CLVS1: variants seen among roughly 807,000 people sequenced by gnomAD.
CLVS1 encodes clavesin-1.
A neutral mutation model predicts 33.1 loss-of-function variants in CLVS1; 10 were observed. That is an observed-to-expected ratio of 0.30 (90% confidence interval 0.19 to 0.51). The LOEUF (loss-of-function observed/expected upper bound fraction) is 0.51. Ranked by LOEUF, CLVS1 falls within the 20% of genes least tolerant of loss-of-function variation. CLVS1 has a pLI of 0.97. For synonymous variants in CLVS1, 163 were observed against 166.1 expected, an observed-to-expected ratio of 0.98 and a Z score of 0.14; for missense variants, 343 against 433.4, an observed-to-expected ratio of 0.79 and a Z score of 1.85.
intron 2 of CLVS1, among the ~76,000 whole-genome samples, chr8:61,261,032 T>G (rs1809192595): frequency 6.6e-6 from 1 of 152,176 alleles, no homozygotes; most frequent in Admixed American, 6.5e-5. Flanking sequence ...ATCTATATTT[T>G]AAAGAGACAC....
chr8:61,177,747 G>A (rs1253245612), intron 2 of CLVS1, among the ~76,000 whole-genome samples: 1 of 151,712 alleles, frequency 6.6e-6, no homozygotes, highest in Non-Finnish European at 1.5e-5. Context: ...CTACAGAAGA[G>A]GGACCTGACT....
chr8:61,250,874 G>T (rs1470210563), intron 2 of CLVS1, among the ~76,000 whole-genome samples: 2 of 152,200 alleles, frequency 1.3e-5, no homozygotes, highest in Non-Finnish European at 2.9e-5. Flanking sequence ...GAGACAATTT[G>T]TCTTCCTCTC....
chr8:61,031,000 T>C, the CLVS1 span, among the ~76,000 whole-genome samples: 1 of 152,176 alleles, frequency 6.6e-6, no homozygotes, highest in South Asian at 2.1e-4. Context: ...GTTGTGAGGA[T>C]TAAGTGAGAC....
At chr8:61,096,088 TTTGTC>T (rs1249556211) in intron 1 of CLVS1, among the ~76,000 whole-genome samples, 6 of 152,190 alleles carry the variant, frequency 3.9e-5, no homozygotes, top group African/African-American at 1.2e-4. Flanking sequence ...CACTTCCCCT[TTTGTC>T]AGGCAGAACT....
intron 1 of CLVS1, among the ~76,000 whole-genome samples, chr8:61,110,557 A>C (rs1244313922): frequency 6.6e-6 from 1 of 152,234 alleles, no homozygotes; most frequent in Non-Finnish European, 1.5e-5. Context: ...ACTATGCAAC[A>C]TAAAATGTAC....
At chr8:61,266,046 T>C (rs1035407008) in intron 2 of CLVS1, among the ~76,000 whole-genome samples, 4 of 152,108 alleles carry the variant, frequency 2.6e-5, no homozygotes, top group Non-Finnish European at 5.9e-5. Flanking sequence ...CCTGTTCGTC[T>C]CCCCATGAAA....
chr8:60,991,350 T>A, the CLVS1 span, among the ~76,000 whole-genome samples: 2 of 152,206 alleles, frequency 1.3e-5, no homozygotes, highest in Non-Finnish European at 1.5e-5. Context: ...AAAATTGTTA[T>A]CTATTTAGGA....
the CLVS1 span, among the ~76,000 whole-genome samples, chr8:61,007,053 T>C: frequency 6.6e-6 from 1 of 152,250 alleles, no homozygotes; most frequent in Admixed American, 6.5e-5. Flanking sequence ...CAGTAATGTA[T>C]AATGCAGGAC....
chr8:61,306,439 C>T lies in CLVS1; in HGVS notation c.455+6157C>T, dbSNP rs143101648. ...TCCTTACAGATGATGGATATTAGAC[C>T]GTTGTGGGATGCATTACATGCAAGA... is the stretch of plus-strand genomic sequence containing the variant. On this transcript the variant is annotated intron_variant, in intron 2 of 5. Transcript: ENST00000325897. 5.9e-5 allele frequency among the ~76,000 whole-genome samples: 9 copies of T among 152,170 alleles called. No homozygotes were observed. The East Asian group carries it at 1.7e-3, about 29-fold the overall frequency.
At chr8:61,199,228 A>G (rs1807678225) in intron 2 of CLVS1, among the ~76,000 whole-genome samples, 1 of 152,242 alleles carries the variant, frequency 6.6e-6, no homozygotes, top group South Asian at 2.1e-4. Context: ...CTCCAAAATC[A>G]AATGTAACAA....
At chr8:60,997,172 G>C in the CLVS1 span, among the ~76,000 whole-genome samples, 1 of 152,164 alleles carries the variant, frequency 6.6e-6, no homozygotes, top group Non-Finnish European at 1.5e-5. Context: ...GCTCAGGTGT[G>C]TGTGGCGGGG....
chr8:61,226,994 T>G lies in CLVS1; in HGVS notation c.-151-72683T>G, dbSNP rs531614710. Among the ~76,000 whole-genome samples, 153 of 151,298 alleles carry G rather than the reference T, an allele frequency of 1.0e-3. 2 individuals are homozygous for G. The highest frequency in any genetic ancestry group is 5.9e-4 in the Admixed American group (9 of 15,246). On this transcript the variant is annotated intron_variant, in intron 2 of 2. Coordinates refer to the CLVS1 transcript ENST00000522621. ...TACGAAAACATGTTTTTTTTTTTTT[T>G]TTTGTTCAGCTTCAGTGTTAAGTTT...
intron 2 of CLVS1, among the ~76,000 whole-genome samples, chr8:61,170,612 C>T (rs1205600835): frequency 1.3e-5 from 2 of 152,170 alleles, no homozygotes; most frequent in African/African-American, 4.8e-5. Context: ...CCTCATATTT[C>T]CTGAATAACC....
chr8:61,300,109 G>T lies in CLVS1; in HGVS notation c.282G>T (p.Leu94=). The T allele has an allele frequency of 6.2e-7, 1 of 1,613,982 alleles. No individual in the cohort carries two copies. Among genetic ancestry groups the T allele is most frequent in the South Asian group, 1.1e-5 (1 of 91,068 alleles). The stretch of plus-strand genomic sequence containing the variant: ...ACCAAGCGGATGCCTTTAGACTCCT[G>T]GCTCAGTATTTCCAGTACCGCCAGC... The part of the protein sequence containing the change: ...KFHQADAFRL[L]AQYFQYRQLN... The change falls in exon 2 of 6, where the codon CTG becomes CTT. Residue 94 remains leucine, a synonymous_variant. Transcript: ENST00000325897.
At chr8:61,060,412 A>G (rs1804562186) in intron 1 of CLVS1, among the ~76,000 whole-genome samples, 2 of 152,246 alleles carry the variant, frequency 1.3e-5, no homozygotes, top group Non-Finnish European at 2.9e-5. Context: ...ATATCTAGCC[A>G]GTCTGAAGTT....
chr8:61,234,345 T>C (rs1808508457), intron 2 of CLVS1, among the ~76,000 whole-genome samples: 1 of 152,200 alleles, frequency 6.6e-6, no homozygotes, highest in Admixed American at 6.5e-5. Context: ...CAGGAGGCTG[T>C]ATCCCCTTGA....
intron 2 of CLVS1, among the ~76,000 whole-genome samples, chr8:61,233,945 C>T (rs2129312700): frequency 6.6e-6 from 1 of 152,312 alleles, no homozygotes; most frequent in East Asian, 1.9e-4. Context: ...TGGAGACTCG[C>T]TCTCTCTCTC....
At chr8:61,006,830 A>G in the CLVS1 span, among the ~76,000 whole-genome samples, 1 of 152,210 alleles carries the variant, frequency 6.6e-6, no homozygotes, top group Non-Finnish European at 1.5e-5. Flanking sequence ...TACAGAATGT[A>G]ATTATATATA....
At chr8:61,248,584 C>T (rs1014537813) in intron 2 of CLVS1, among the ~76,000 whole-genome samples, 5 of 151,658 alleles carry the variant, frequency 3.3e-5, no homozygotes, top group East Asian at 1.9e-4. Flanking sequence ...ATTGGGCTGT[C>T]GGTTTGGTTA....
Sources: gnomAD v4.1 joint callset for allele counts (sites outside exome capture counted in the v4.1 genomes callset) on GRCh38, gnomAD v4.1.1 for gene constraint, MANE v1.5 for transcripts, NCBI Gene and HGNC (gene_info 2026-07-23, HGNC 2026-07-21) for gene names.